The following BICD1 variants were observed in gnomAD, a reference collection of about 807,000 sequenced individuals.
BICD1 encodes BICD cargo adaptor 1.
In BICD1, 35 loss-of-function variants were observed where a neutral mutation model predicts 92.5. The ratio of observed to expected loss-of-function variants is 0.38; its 90% CI spans 0.29 to 0.50. The LOEUF (loss-of-function observed/expected upper bound fraction) is 0.50. Among genes scored for constraint, BICD1 ranks in the 20% least tolerant of loss-of-function variants. BICD1 has a pLI of 0.93. For synonymous variants in BICD1, 429 were observed against 465.1 expected (o/e 0.92, Z 1.00); for missense variants, 950 against 1,189.8 (o/e 0.80, Z 2.97).
chr12:32,211,229 G>C (rs747488203), intron 1 of BICD1, among the ~76,000 whole-genome samples: 6 of 152,272 alleles, frequency 3.9e-5, no homozygotes, highest in Non-Finnish European at 8.8e-5. Flanking sequence ...ATGATGGTTA[G>C]TGTCCTTGGA....
At chr12:32,203,598 G>A (rs188100355) in intron 1 of BICD1, among the ~76,000 whole-genome samples, 7 of 152,228 alleles carry the variant, frequency 4.6e-5, no homozygotes, top group South Asian at 4.1e-4. Context: ...GGCCCATTTC[G>A]GATTAAAGGA....
chr12:32,320,468 C>CATGTATTTTAG (rs1408506094), intron 4 of BICD1, among the ~76,000 whole-genome samples: 27 of 152,130 alleles, frequency 1.8e-4, no homozygotes, highest in African/African-American at 5.3e-4. Context: ...ATGGTGAAAC[C>CATGTATTTTAG]CCATCTCTAC....
chr12:32,167,431 A>G (rs1383985978), intron 1 of BICD1, among the ~76,000 whole-genome samples: 1 of 152,186 alleles, frequency 6.6e-6, no homozygotes, highest in Non-Finnish European at 1.5e-5. Context: ...ACATAGCAAT[A>G]ACTGGGAAGT....
intron 1 of BICD1, among the ~76,000 whole-genome samples, chr12:32,163,107 G>T (rs567125299): frequency 2.0e-5 from 3 of 152,064 alleles, no homozygotes; most frequent in Non-Finnish European, 2.9e-5. Flanking sequence ...AAATGATAAC[G>T]CAGGGGTCTT....
chr12:32,207,488 T>A (rs1319117449), intron 1 of BICD1, among the ~76,000 whole-genome samples: 1 of 152,298 alleles, frequency 6.6e-6, no homozygotes, highest in Non-Finnish European at 1.5e-5. Context: ...ATGTGATGAT[T>A]AAATCAGTTA....
At chr12:32,340,037 C>T (rs1282419615) in intron 8 of BICD1, 3 of 947,668 alleles carry the variant, frequency 3.2e-6, no homozygotes, top group Non-Finnish European at 3.8e-6. Context: ...ATCCTCATTT[C>T]TATTCTCTCC....
chr12:32,349,827 C>T (rs1397815542), intron 8 of BICD1, among the ~76,000 whole-genome samples: 4 of 152,138 alleles, frequency 2.6e-5, no homozygotes, highest in Non-Finnish European at 4.4e-5. Context: ...TTCCTGAGTT[C>T]TTGCTGAATT....
At chr12:32,282,220 T>C (rs1565639774) in intron 2 of BICD1, among the ~76,000 whole-genome samples, 15 of 129,262 alleles carry the variant, frequency 1.2e-4, no homozygotes, top group Non-Finnish European at 1.6e-4. Flanking sequence ...TTTTTTTTTT[T>C]TTTTTTTTTT....
intron 1 of BICD1, among the ~76,000 whole-genome samples, chr12:32,139,988 G>C (rs1319178571): frequency 6.6e-6 from 1 of 152,166 alleles, no homozygotes; most frequent in Non-Finnish European, 1.5e-5. Flanking sequence ...TACCGAGGAC[G>C]GATCTCAGCA....
At chr12:32,199,517 G>A (rs752417264) in intron 1 of BICD1, among the ~76,000 whole-genome samples, 87 of 152,254 alleles carry the variant, frequency 5.7e-4, no homozygotes, top group African/African-American at 2.0e-3. Flanking sequence ...TCTGCAACTG[G>A]TTATGGGGGG....
intron 1 of BICD1, among the ~76,000 whole-genome samples, chr12:32,189,028 C>A (rs989188877): frequency 5.9e-5 from 9 of 152,136 alleles, no homozygotes; most frequent in African/African-American, 9.7e-5. Context: ...CACATGAGTT[C>A]TCTCTTTAAT....
chr12:32,304,117 C>T (rs1382950148), intron 3 of BICD1, among the ~76,000 whole-genome samples: 1 of 152,022 alleles, frequency 6.6e-6, no homozygotes, highest in African/African-American at 2.4e-5. Flanking sequence ...CTAAGTCACT[C>T]TTGCTTAGGT....
rs149245969 is a variant in BICD1, at chr12:32,280,310, A to G, written c.427-13684A>G. 4.7e-3 allele frequency among the ~76,000 whole-genome samples: 723 copies of G among 152,336 alleles called. 8 individuals carry two copies. Among genetic ancestry groups the G allele is most frequent in the African/African-American group, 0.017 (687 of 41,572 alleles). The stretch of plus-strand genomic sequence containing the variant: ...TTACTTGCACATGAAAGTCCTCACA[A>G]GACAATGAAGACCCAAAGAAGTGAC... On this transcript the variant is annotated intron_variant, in intron 2 of 9. Coordinates refer to ENST00000652176, the MANE Select transcript of BICD1 (RefSeq NM_001714.4).
rs1440435929 is a variant in BICD1 at position 32,145,090 on chromosome 12, CT to C, written c.213+37547del. ...TTTGTCAATGTTTTAATCAGCACCC[CT>C]GTGCATATATTATCTTTGCATATTT... On this transcript the variant is annotated intron_variant, in intron 1 of 9. Transcript: ENST00000652176. 2.6e-5 allele frequency among the ~76,000 whole-genome samples: 4 copies of C among 152,318 alleles called. No homozygotes were observed. The East Asian group carries it at 7.7e-4, about 29-fold the overall frequency.
At chr12:32,274,609 GTTTATA>G (rs945155996) in intron 2 of BICD1, among the ~76,000 whole-genome samples, 5 of 152,050 alleles carry the variant, frequency 3.3e-5, no homozygotes, top group Non-Finnish European at 7.4e-5. Flanking sequence ...TTACTGAGGC[GTTTATA>G]TTTATATTTA....
chr12:32,364,018 TC>T (rs1939432467), intron 8 of BICD1, among the ~76,000 whole-genome samples: 1 of 138,726 alleles, frequency 7.2e-6, no homozygotes, highest in South Asian at 2.3e-4. Context: ...ACCATCACCA[TC>T]ACCACCATCA....
rs1347887679 is a variant in BICD1, at chr12:32,117,749, TATATATATA to T, written c.213+10206_213+10214del. Among the ~76,000 whole-genome samples, 17 of 92,384 alleles carry T rather than the reference TATATATATA, an allele frequency of 1.8e-4. No homozygotes were observed. In the East Asian group the frequency reaches 2.7e-3, roughly 15 times the overall value. The allele number at this position is 92,384 out of a possible 152,430, so 60.6% of individuals were successfully genotyped here. ...ACACACACACACATATATATATATA[TATATATATA>T]TTTTTTTTTAAGACCATATTTCGCT... On this transcript the variant is annotated intron_variant, in intron 1 of 9. Coordinates refer to ENST00000652176, the MANE Select transcript of BICD1 (RefSeq NM_001714.4).
intron 1 of BICD1, among the ~76,000 whole-genome samples, chr12:32,187,194 G>T (rs1336219613): frequency 1.3e-5 from 2 of 152,186 alleles, no homozygotes; most frequent in Non-Finnish European, 2.9e-5. Context: ...TGCCCAGGAA[G>T]ATAAGACAGT....
chr12:32,115,580 G>A (rs1941862652), intron 1 of BICD1, among the ~76,000 whole-genome samples: 2 of 152,088 alleles, frequency 1.3e-5, no homozygotes, highest in South Asian at 4.1e-4. Flanking sequence ...CTCAGAGTTT[G>A]GGTGACCCTG....
Sources: allele counts gnomAD v4.1 joint callset (sites outside exome capture counted in the v4.1 genomes callset), GRCh38; gene constraint gnomAD v4.1.1; transcripts MANE v1.5; gene names NCBI Gene and HGNC (gene_info 2026-07-23, HGNC 2026-07-21).